Variants in CLIC5 observed in about 807,000 individuals in gnomAD.
The protein encoded by CLIC5 is chloride intracellular channel protein 5.
In CLIC5, 20 loss-of-function variants were observed where a neutral mutation model predicts 24.7. That is an observed-to-expected ratio of 0.81 (90% CI 0.57 to 1.18). The LOEUF is 1.18. Among genes scored for constraint, CLIC5 ranks in the 50% most tolerant of loss-of-function variants. The pLI, the probability that CLIC5 is intolerant of heterozygous loss-of-function variation, is 0.00. For synonymous variants in CLIC5, 159 were observed against 135.6 expected, an observed-to-expected ratio of 1.17 and a Z score of -1.20; for missense variants, 341 against 326.1, an observed-to-expected ratio of 1.05 and a Z score of -0.35.
At chr6:46,092,185 G>T in the CLIC5 span, among the ~76,000 whole-genome samples, 1 of 152,098 alleles carries the variant, frequency 6.6e-6, no homozygotes, top group South Asian at 2.1e-4. Context: ...TTTGTCCAAG[G>T]TCAGGCAGAC....
intron 4 of CLIC5, among the ~76,000 whole-genome samples, chr6:45,921,297 C>T (rs749985797): frequency 7.9e-5 from 12 of 152,144 alleles, no homozygotes; most frequent in South Asian, 4.2e-4. Flanking sequence ...TCTGATGGGA[C>T]GCTCTCTGCT....
the CLIC5 span, among the ~76,000 whole-genome samples, chr6:46,090,129 G>T: frequency 2.6e-5 from 4 of 152,200 alleles, no homozygotes; most frequent in Non-Finnish European, 5.9e-5. Context: ...GGTCTGTAGA[G>T]TTAGAAAAAT....
chr6:45,973,879 G>A (rs1231249608), intron 1 of CLIC5, among the ~76,000 whole-genome samples: 5 of 150,340 alleles, frequency 3.3e-5, no homozygotes, highest in African/African-American at 7.4e-5. Context: ...GCAGTGAGCC[G>A]AGATGGCGCC....
intron 1 of CLIC5, among the ~76,000 whole-genome samples, chr6:45,997,425 A>G (rs1023364018): frequency 6.6e-6 from 1 of 150,472 alleles, no homozygotes; most frequent in African/African-American, 2.4e-5. Flanking sequence ...TAGTGGGTGC[A>G]GCGCACCAGC....
downstream of CLIC5, chr6:45,880,857 G>T (rs1762256522): frequency 6.4e-6 from 2 of 314,698 alleles, no homozygotes; most frequent in Non-Finnish European, 1.1e-5. Flanking sequence ...TAATTGAACT[G>T]CAGCAGGGAA....
At chr6:45,949,195 C>A (rs1239445290) in intron 3 of CLIC5, 61 bp downstream of exon 3, 22 of 1,563,118 alleles carry the variant, frequency 1.4e-5, no homozygotes, top group Non-Finnish European at 1.8e-5. Flanking sequence ...AACACCAGGA[C>A]TTTATAGATC....
intron 1 of CLIC5, among the ~76,000 whole-genome samples, chr6:46,034,320 C>A (rs1767602724): frequency 6.6e-6 from 1 of 152,206 alleles, no homozygotes; most frequent in Admixed American, 6.5e-5. Flanking sequence ...AGACAAGCTG[C>A]TTATTAGAAA....
upstream of CLIC5, among the ~76,000 whole-genome samples, chr6:46,019,204 C>T (rs531187738): frequency 4.6e-5 from 7 of 151,678 alleles, no homozygotes; most frequent in South Asian, 2.1e-4. Flanking sequence ...CTAAATATAA[C>T]CATATTAATA....
chr6:45,894,944 G>T, downstream of CLIC5, among the ~76,000 whole-genome samples: 1 of 152,088 alleles, frequency 6.6e-6, no homozygotes, highest in East Asian at 1.9e-4. Context: ...CATAGAAACA[G>T]AAAAATATAT....
At chr6:46,033,175 G>T (rs573369013) in intron 1 of CLIC5, among the ~76,000 whole-genome samples, 33 of 151,524 alleles carry the variant, frequency 2.2e-4, no homozygotes, top group African/African-American at 7.7e-4. Flanking sequence ...TTTTAGTACC[G>T]ACAGGGTTTC....
the CLIC5 span, among the ~76,000 whole-genome samples, chr6:46,101,596 A>G: frequency 6.6e-6 from 1 of 152,186 alleles, no homozygotes; most frequent in Non-Finnish European, 1.5e-5. Context: ...TTTCCTTATC[A>G]TGCCAGCTAA....
intron 1 of CLIC5, among the ~76,000 whole-genome samples, chr6:45,989,880 T>A (rs1290112822): frequency 6.6e-6 from 1 of 152,160 alleles, no homozygotes; most frequent in African/African-American, 2.4e-5. Flanking sequence ...CCTGGGTGTT[T>A]CTGTGTATCT....
intron 1 of CLIC5, among the ~76,000 whole-genome samples, chr6:46,006,013 T>TAC (rs1554160610): frequency 5.0e-4 from 63 of 126,178 alleles, no homozygotes; most frequent in Middle Eastern, 4.4e-3. Context: ...TATATATATA[T>TAC]ATACACACAT....
At chr6:45,914,189 G>C in intron 5 of CLIC5, 39 bp downstream of exon 5, 1 of 1,471,750 alleles carries the variant, frequency 6.8e-7, no homozygotes. Context: ...CTAAGATGGA[G>C]CTGGATCTTG....
At chr6:46,123,665 A>T in the CLIC5 span, among the ~76,000 whole-genome samples, 1 of 152,214 alleles carries the variant, frequency 6.6e-6, no homozygotes, top group Non-Finnish European at 1.5e-5. Context: ...AGATGACATG[A>T]TTGTATATCT....
chr6:46,118,935 C>T, the CLIC5 span, among the ~76,000 whole-genome samples: 1 of 151,966 alleles, frequency 6.6e-6, no homozygotes, highest in African/African-American at 2.4e-5. Flanking sequence ...TGTGTAATCA[C>T]GATGTGGAAT....
At chr6:46,096,282 T>A in the CLIC5 span, among the ~76,000 whole-genome samples, 1 of 152,122 alleles carries the variant, frequency 6.6e-6, no homozygotes, top group African/African-American at 2.4e-5. Flanking sequence ...CAATTTGACA[T>A]GAGATCCAGG....
At chr6:46,020,351 G>A (rs956225097), upstream of CLIC5, among the ~76,000 whole-genome samples, 5 of 152,028 alleles carry the variant, frequency 3.3e-5, no homozygotes, top group African/African-American at 1.2e-4. Flanking sequence ...AAGCCTCAAG[G>A]ATTATTAAAA....
At chr6:45,913,985 G>A (rs1762915662) in intron 5 of CLIC5, among the ~76,000 whole-genome samples, 1 of 152,170 alleles carries the variant, frequency 6.6e-6, no homozygotes, top group Admixed American at 6.5e-5. Context: ...CTTTCACGCT[G>A]TATTTACTCT....
Sources: allele counts gnomAD v4.1 joint callset (sites outside exome capture counted in the v4.1 genomes callset), GRCh38; gene constraint gnomAD v4.1.1; transcripts MANE v1.5; gene names NCBI Gene and HGNC (gene_info 2026-07-23, HGNC 2026-07-21).